Variants in ZNF215 observed in about 807,000 individuals in gnomAD.
ZNF215 encodes the protein zinc finger protein 215.
ZNF215 carries 24 observed loss-of-function variants against 27.2 expected under a neutral mutation model. That is an observed-to-expected ratio of 0.88 (90% CI 0.64 to 1.24). ZNF215 has a LOEUF of 1.24. Ranked by LOEUF, ZNF215 falls within the 50% of genes most tolerant of loss-of-function variation. The pLI, the probability that ZNF215 is intolerant of heterozygous loss-of-function variation, is 0.00. For missense variants in ZNF215, 675 were observed against 605.7 expected (o/e 1.11, Z -1.20); for synonymous variants, 210 against 204.0 (o/e 1.03, Z -0.25).
At chr11:6,989,150 CAAAAAAAAAAAAAAAA>C (rs71056776), downstream of ZNF215, among the ~76,000 whole-genome samples, 1 of 76,784 alleles carries the variant, frequency 1.3e-5, no homozygotes, top group Admixed American at 1.6e-4. Flanking sequence ...AGATCCGTCT[CAAAAAAAAAAAAAAAA>C]AAAAAAAAGG....
chr11:6,931,688 T>C (rs986998603), intron 2 of ZNF215, among the ~76,000 whole-genome samples: 1 of 152,234 alleles, frequency 6.6e-6, no homozygotes, highest in Admixed American at 6.5e-5. Flanking sequence ...GTTTTACTCA[T>C]AGAATTTTAT....
intron 1 of ZNF215, 44 bp downstream of exon 1, chr11:6,926,729 G>A (rs965413010): frequency 3.9e-5 from 6 of 152,418 alleles, no homozygotes; most frequent in African/African-American, 1.4e-4. Context: ...GTGCTCACGG[G>A]TATCGTTCTC....
At position 6,956,944 on chromosome 11, in the gene ZNF215, A is replaced by G. The variant is rs1460580126; in HGVS notation, c.*413A>G. On this transcript the variant is annotated 3_prime_UTR_variant, in exon 7 of 7. Coordinates refer to ENST00000278319, the MANE Select transcript of ZNF215 (RefSeq NM_013250.4). ...TTAATAAAACTCAGCCCTTTTAAGAAGGTCACAAGAAATCATTAGCTCATG... is the reference window on the plus strand; with the variant it reads ...TTAATAAAACTCAGCCCTTTTAAGAGGGTCACAAGAAATCATTAGCTCATG... 1.0e-6 allele frequency: 1 copy of G among 991,462 alleles called. No homozygotes were observed. The highest frequency in any genetic ancestry group is 1.2e-6 in the Non-Finnish European group (1 of 833,550). 61.4% of individuals were successfully genotyped at this position (991,462 alleles called of 1,614,324 possible). A position where few individuals can be genotyped will look rare whatever the true frequency, so the allele number is the denominator to read the frequency against.
chr11:6,990,700 G>C (rs1444271867), downstream of ZNF215, among the ~76,000 whole-genome samples: 1 of 152,244 alleles, frequency 6.6e-6, no homozygotes, highest in South Asian at 2.1e-4. Flanking sequence ...TATATATTAG[G>C]TGGATATTAC....
downstream of ZNF215, chr11:6,988,334 A>T: frequency 1.2e-6 from 1 of 856,310 alleles, no homozygotes; most frequent in Non-Finnish European, 1.4e-6. Flanking sequence ...AGCCACTCTC[A>T]TTTGTGTCTG....
At chr11:6,992,653 T>C (rs1851128249), downstream of ZNF215, among the ~76,000 whole-genome samples, 3 of 152,328 alleles carry the variant, frequency 2.0e-5, no homozygotes, top group South Asian at 4.1e-4. Flanking sequence ...AAGGGGCCCA[T>C]AGAATCAACC....
chr11:6,962,517 G>A (rs1850537562), downstream of ZNF215, among the ~76,000 whole-genome samples: 2 of 152,102 alleles, frequency 1.3e-5, no homozygotes, highest in Admixed American at 1.3e-4. Context: ...ATCCTTGGAA[G>A]TCCAACTCCT....
chr11:6,981,861 G>A (rs10839671), intron 5 of ZNF215, among the ~76,000 whole-genome samples: 52,445 of 151,246 alleles, frequency 0.35, 9,852 homozygotes, highest in African/African-American at 0.49. Flanking sequence ...TTTATTAAAT[G>A]GGGAATCCTT....
chr11:6,938,065 ATG>A (rs1385166070), intron 3 of ZNF215, among the ~76,000 whole-genome samples: 7 of 152,054 alleles, frequency 4.6e-5, no homozygotes, highest in African/African-American at 1.7e-4. Context: ...AACCTACAGA[ATG>A]AGAAAAAACA....
In ZNF215 at chr11:6,955,766, T is replaced by C. The variant is rs774147365; in HGVS notation, c.789T>C (p.Ser263=). ...MTRLTESGHP[S]SDAWKGENWL... ...GGCTTACCGAAAGTGGACACCCTTC[T>C]TCAGATGCCTGGAAAGGTGAGAATT... Residue 263 remains serine, a synonymous_variant, in exon 7 of 7, where the codon TCT becomes TCC. Coordinates refer to ENST00000278319, the MANE Select transcript of ZNF215 (RefSeq NM_013250.4). The C allele has an allele frequency of 5.0e-6, 8 of 1,611,582 alleles. No homozygotes were observed. The East Asian group carries it at 1.8e-4, about 36-fold the overall frequency.
At chr11:6,983,773 C>G (rs1851008736) in intron 5 of ZNF215, among the ~76,000 whole-genome samples, 1 of 151,790 alleles carries the variant, frequency 6.6e-6, no homozygotes. Context: ...TTACATATGG[C>G]AAAGGAAGTG....
In ZNF215 at chr11:6,956,105, G is replaced by T. The variant is rs150639508; in HGVS notation, c.1128G>T (p.Met376Ile). ...DIRHQKSHTT[M>I]NSYECYQCGK... Reference sequence around the variant, plus strand: ...GACACCAAAAAAGTCATACTACAATGAATTCCTATGAATGTTATCAATGTG... The same window carrying T: ...GACACCAAAAAAGTCATACTACAATTAATTCCTATGAATGTTATCAATGTG... The change falls in exon 7 of 7, where the codon ATG (methionine) becomes ATT (isoleucine). Residue 376 changes from methionine to isoleucine, a missense_variant. Coordinates refer to ENST00000278319, the MANE Select transcript of ZNF215 (RefSeq NM_013250.4). 82 of 1,613,256 alleles carry T rather than the reference G, an allele frequency of 5.1e-5. No homozygotes were observed. The highest frequency in any genetic ancestry group is 6.8e-5 in the Non-Finnish European group (80 of 1,179,908).
intron 5 of ZNF215, among the ~76,000 whole-genome samples, chr11:6,982,311 G>T (rs900663436): frequency 5.3e-5 from 8 of 151,984 alleles, no homozygotes; most frequent in African/African-American, 1.7e-4. Flanking sequence ...AATAATGGGA[G>T]ACTTTAACAC....
At chr11:6,977,217 C>A (rs1850852097) in intron 5 of ZNF215, among the ~76,000 whole-genome samples, 1 of 152,000 alleles carries the variant, frequency 6.6e-6, no homozygotes, top group Non-Finnish European at 1.5e-5. Context: ...ATGGAAAATT[C>A]CAGAAATCAT....
chr11:6,946,971 G>T (rs1007077086), intron 6 of ZNF215, among the ~76,000 whole-genome samples: 38 of 152,182 alleles, frequency 2.5e-4, no homozygotes, highest in Admixed American at 2.5e-3. Flanking sequence ...GGTTTTTAAT[G>T]TATTAACATC....
intron 5 of ZNF215, among the ~76,000 whole-genome samples, chr11:6,978,202 T>C (rs78743874): frequency 0.013 from 1,935 of 152,144 alleles, 33 homozygotes; most frequent in African/African-American, 0.043. Context: ...TACAATGATA[T>C]ATTCATAAAA....
intron 5 of ZNF215, among the ~76,000 whole-genome samples, chr11:6,964,101 A>G (rs1018774139): frequency 6.6e-6 from 1 of 151,918 alleles, no homozygotes; most frequent in African/African-American, 2.4e-5. Context: ...CTTATTTGTC[A>G]TATATTTTTG....
intron 5 of ZNF215, among the ~76,000 whole-genome samples, chr11:6,965,933 G>GT (rs1850609939): frequency 6.6e-6 from 1 of 152,122 alleles, no homozygotes; most frequent in African/African-American, 2.4e-5. Context: ...AATTAGGTGA[G>GT]TTGGAAAGTT....
At chr11:6,966,723 T>C (rs956378769) in intron 5 of ZNF215, among the ~76,000 whole-genome samples, 1 of 151,978 alleles carries the variant, frequency 6.6e-6, no homozygotes, top group Non-Finnish European at 1.5e-5. Context: ...ATTTTTATTA[T>C]TTTGTTCCTT....
Sources: gnomAD v4.1 joint callset for allele counts (sites outside exome capture counted in the v4.1 genomes callset) on GRCh38, gnomAD v4.1.1 for gene constraint, MANE v1.5 for transcripts, NCBI Gene and HGNC (gene_info 2026-07-23, HGNC 2026-07-21) for gene names.